The following RUNX1T1 variants were observed in gnomAD, a reference collection of about 807,000 sequenced individuals.
The protein encoded by RUNX1T1 is RUNX1 partner transcriptional co-repressor 1, also known as protein CBFA2T1.
RUNX1T1 carries 4 observed loss-of-function variants against 62.8 expected under a neutral mutation model. The observed-to-expected ratio is 0.06, with a 90% CI of 0.03 to 0.15. RUNX1T1 has a LOEUF of 0.15. RUNX1T1 is among the 10% of genes least tolerant of loss of function. The pLI is 1.00. For missense variants in RUNX1T1, 508 were observed against 754.3 expected (o/e 0.67, Z 3.82); for synonymous variants, 291 against 286.0 (o/e 1.02, Z -0.18).
chr8:92,077,079 G>A lies in RUNX1T1; in HGVS notation c.-85-942C>T, dbSNP rs73695115. On this transcript the variant is annotated intron_variant, in intron 1 of 11. Coordinates refer to the RUNX1T1 transcript ENST00000265814. ...AAATTACTTCCTAGAAATTAAAATC[G>A]GTGAACATATTCTGATGTAAATAAA... 8.0e-3 allele frequency among the ~76,000 whole-genome samples: 1,213 copies of A among 151,946 alleles called. 12 individuals are homozygous for A. Among genetic ancestry groups the A allele is most frequent in the African/African-American group, 0.027 (1,131 of 41,466 alleles).
exon 11 of RUNX1T1, chr8:91,959,287 A>T (rs2130381341): frequency 4.5e-6 from 1 of 222,020 alleles, no homozygotes; most frequent in Admixed American, 5.7e-5. Context: ...AATGAGCTGG[A>T]ATAGACCCAA....
intron 2 of RUNX1T1, among the ~76,000 whole-genome samples, chr8:92,016,205 A>T (rs1045477242): frequency 6.6e-6 from 1 of 152,234 alleles, no homozygotes; most frequent in Non-Finnish European, 1.5e-5. Context: ...TTATTAAAAC[A>T]GTTACTCACT....
chr8:92,010,917 C>A (rs751799372), intron 4 of RUNX1T1, 85 bp downstream of exon 5: 1 of 731,550 alleles, frequency 1.4e-6, no homozygotes, highest in East Asian at 2.5e-5. Context: ...TCAAAGAGCC[C>A]CTAAATGTAC....
At chr8:91,958,097 C>G, downstream of RUNX1T1, 2 of 106,542 alleles carry the variant, frequency 1.9e-5, no homozygotes, top group East Asian at 3.0e-4. Flanking sequence ...TAACCCTCCC[C>G]CCACCCCCCG....
At chr8:92,040,481 G>A (rs1385960735) in intron 1 of RUNX1T1, among the ~76,000 whole-genome samples, 2 of 152,048 alleles carry the variant, frequency 1.3e-5, no homozygotes, top group South Asian at 2.1e-4. Context: ...ATACACTGTG[G>A]CAAACTGCTG....
intron 1 of RUNX1T1, among the ~76,000 whole-genome samples, chr8:92,057,789 A>G (rs886864923): frequency 4.3e-4 from 65 of 152,202 alleles, no homozygotes; most frequent in African/African-American, 1.5e-3. Context: ...TGAGTCATTT[A>G]AGTTAATGAT....
chr8:92,095,853 C>T (rs1837704943), intron 1 of RUNX1T1, among the ~76,000 whole-genome samples: 1 of 152,186 alleles, frequency 6.6e-6, no homozygotes, highest in Admixed American at 6.5e-5. Flanking sequence ...TTTCCCTGCT[C>T]CAGGGCTAGG....
chr8:91,993,055 T>C (rs2130896227), intron 5 of RUNX1T1, among the ~76,000 whole-genome samples: 2 of 152,310 alleles, frequency 1.3e-5, no homozygotes, highest in Admixed American at 1.3e-4. Flanking sequence ...TTTAGACAGG[T>C]GGTAACATCT....
intron 1 of RUNX1T1, among the ~76,000 whole-genome samples, chr8:92,020,702 CAT>C (rs1823912947): frequency 6.6e-6 from 1 of 152,128 alleles, no homozygotes; most frequent in South Asian, 2.1e-4. Flanking sequence ...ATATCCAACA[CAT>C]ATGTACCAAA....
intron 1 of RUNX1T1, chr8:92,094,920 G>C: frequency 1.3e-6 from 1 of 768,620 alleles, no homozygotes; most frequent in Non-Finnish European, 2.1e-6. Flanking sequence ...AGGCTTCAGC[G>C]TCCAGTCAAT....
intron 5 of RUNX1T1, among the ~76,000 whole-genome samples, chr8:91,999,167 C>T (rs1819282878): frequency 1.3e-5 from 2 of 152,078 alleles, no homozygotes; most frequent in Non-Finnish European, 1.5e-5. Flanking sequence ...ATTGGAGCTA[C>T]AAGACTTCTA....
chr8:92,030,420 A>C (rs1447416086), intron 1 of RUNX1T1, among the ~76,000 whole-genome samples: 1 of 152,202 alleles, frequency 6.6e-6, no homozygotes, highest in Non-Finnish European at 1.5e-5. Flanking sequence ...ATATATAAGA[A>C]ATTTCCTATT....
chr8:91,956,870 T>C (rs1301124839), downstream of RUNX1T1: 1 of 215,776 alleles, frequency 4.6e-6, no homozygotes, highest in African/African-American at 2.3e-5. Context: ...TCGGACAACA[T>C]GGAGTCGCTT....
chr8:92,051,463 A>G (rs900392600), intron 1 of RUNX1T1, among the ~76,000 whole-genome samples: 1 of 152,178 alleles, frequency 6.6e-6, no homozygotes, highest in African/African-American at 2.4e-5. Context: ...TACCAACATA[A>G]TATTAAAAAC....
At chr8:92,082,324 G>A (rs779438409) in intron 1 of RUNX1T1, among the ~76,000 whole-genome samples, 89 of 152,222 alleles carry the variant, frequency 5.8e-4, no homozygotes, top group Non-Finnish European at 1.2e-3. Context: ...AAATTCCTAC[G>A]TGGTAGGGTT....
downstream of RUNX1T1, chr8:91,955,247 G>C (rs1339668990): frequency 4.5e-6 from 1 of 221,844 alleles, no homozygotes; most frequent in Non-Finnish European, 9.0e-6. Flanking sequence ...TCACAGAGGT[G>C]TTTGCAAGAA....
At chr8:92,005,555 G>T (rs1467223522) in intron 4 of RUNX1T1, 2 of 440,408 alleles carry the variant, frequency 4.5e-6, no homozygotes, top group African/African-American at 4.1e-5. Context: ...CATTGCAAGT[G>T]GCACATTATT....
chr8:92,036,760 G>A (rs1827491117), intron 1 of RUNX1T1, among the ~76,000 whole-genome samples: 2 of 152,154 alleles, frequency 1.3e-5, no homozygotes. Context: ...ATGTGGTTAT[G>A]TCAACTTATT....
intron 1 of RUNX1T1, among the ~76,000 whole-genome samples, chr8:92,083,347 C>T (rs1208948950): frequency 6.6e-6 from 1 of 152,060 alleles, no homozygotes; most frequent in East Asian, 1.9e-4. Flanking sequence ...TTGCAATCTA[C>T]CCATCTGACA....
Sources: allele counts gnomAD v4.1 joint callset (sites outside exome capture counted in the v4.1 genomes callset), GRCh38; gene constraint gnomAD v4.1.1; transcripts MANE v1.5; gene names NCBI Gene and HGNC (gene_info 2026-07-23, HGNC 2026-07-21).